CHM: variants seen among roughly 807,000 people sequenced by gnomAD.
The protein encoded by CHM is CHM Rab escort protein.
CHM carries 10 observed loss-of-function variants against 49.0 expected under a neutral mutation model. That is an observed-to-expected ratio of 0.20 (90% CI 0.13 to 0.35). The LOEUF is 0.35. Among genes scored for constraint, CHM ranks in the 10% least tolerant of loss-of-function variants. The pLI is 1.00. For missense variants in CHM, 455 were observed against 478.4 expected, an observed-to-expected ratio of 0.95 and a Z score of 0.46; for synonymous variants, 184 against 167.5, an observed-to-expected ratio of 1.10 and a Z score of -0.76.
intron 1 of CHM, among the ~76,000 whole-genome samples, chrX:86,037,634 AGAT>A (rs1168603598): frequency 2.7e-5 from 3 of 111,747 alleles, no homozygotes; most frequent in Non-Finnish European, 5.6e-5. Flanking sequence ...AGTCTAAAAT[AGAT>A]GATGAAAGAG....
chrX:85,986,955 A>G (rs1212984651), intron 2 of CHM, among the ~76,000 whole-genome samples: 2 of 108,954 alleles, frequency 1.8e-5, no homozygotes, highest in African/African-American at 7.0e-5. Context: ...AGGATGAAAC[A>G]GCTGGAAAAA....
At chrX:85,866,607 G>A (rs1469680945) in intron 14 of CHM, among the ~76,000 whole-genome samples, 1 of 112,776 alleles carries the variant, frequency 8.9e-6, no homozygotes, top group Non-Finnish European at 1.9e-5. Flanking sequence ...CTGACAGCCT[G>A]CACCATGCAC....
intron 2 of CHM, among the ~76,000 whole-genome samples, chrX:86,000,081 T>C (rs928753787): frequency 5.4e-5 from 6 of 111,032 alleles, no homozygotes; most frequent in African/African-American, 2.0e-4. Context: ...CATAAAAAAG[T>C]CAAAGTGTAT....
intron 4 of CHM, 33 bp from the exon 5 acceptor site, chrX:85,964,085 T>TTA (rs758296840): frequency 3.4e-6 from 4 of 1,159,539 alleles, no homozygotes; most frequent in South Asian, 1.9e-5. Flanking sequence ...ACACCAGGCT[T>TTA]TATATATATA....
rs112509961 is a variant in CHM at position 85,958,615 on chromosome X, T to A, written c.819+246A>T. ...AAGGATTTGTGTGACTAGTCTTGGGTATAGTAACTCTGGTGTGCTTTTTGG... is the reference window on the plus strand; with the variant it reads ...AAGGATTTGTGTGACTAGTCTTGGGAATAGTAACTCTGGTGTGCTTTTTGG... On this transcript the variant is annotated intron_variant, in intron 6 of 14. Coordinates refer to ENST00000357749, the MANE Select transcript of CHM (RefSeq NM_000390.4). Among the ~76,000 whole-genome samples the A allele has an allele frequency of 3.3e-3, 369 of 111,689 alleles. 2 individuals carry two copies. The highest frequency in any genetic ancestry group is 0.014 in the Middle Eastern group (3 of 217).
intron 2 of CHM, among the ~76,000 whole-genome samples, chrX:86,018,618 A>C (rs2147778071): frequency 8.9e-6 from 1 of 112,484 alleles, no homozygotes; most frequent in African/African-American, 3.2e-5. Flanking sequence ...TGTAATAACC[A>C]AAAAATAGAA....
At chrX:85,924,018 T>C (rs898995811) in intron 8 of CHM, among the ~76,000 whole-genome samples, 3 of 111,525 alleles carry the variant, frequency 2.7e-5, no homozygotes, top group African/African-American at 9.8e-5. Flanking sequence ...CGAGGACGCA[T>C]ATAGTTGGGG....
In CHM at chrX:85,887,813, C is replaced by G. The variant is rs139104854; in HGVS notation, c.1510+6375G>C. Among the ~76,000 whole-genome samples the G allele has an allele frequency of 6.1e-3, 673 of 111,148 alleles. 10 individuals carry two copies. In the East Asian group the frequency reaches 0.081, roughly 13 times the overall value. On this transcript the variant is annotated intron_variant, in intron 12 of 14. Transcript: ENST00000357749. The stretch of plus-strand genomic sequence containing the variant: ...GCAAAGAGACTGGCAGCATTTTGCC[C>G]CTGCCCTACAGATCCGTGGAACTCT...
chrX:85,887,925 G>A (rs1461469007), intron 12 of CHM, among the ~76,000 whole-genome samples: 1 of 111,799 alleles, frequency 8.9e-6, no homozygotes, highest in African/African-American at 3.3e-5. Context: ...TGCTGTTAAA[G>A]GCATCCGGTT....
At chrX:85,910,798 A>G (rs1407558395) in intron 9 of CHM, among the ~76,000 whole-genome samples, 1 of 108,628 alleles carries the variant, frequency 9.2e-6, no homozygotes, top group Non-Finnish European at 1.9e-5. Context: ...TAAAAATGCA[A>G]TAACAGAGGG....
At chrX:86,027,368 CTT>C in intron 2 of CHM, 121 bp downstream of exon 2, 2 of 566,196 alleles carry the variant, frequency 3.5e-6, no homozygotes, top group Non-Finnish European at 6.0e-6. Context: ...TTTCTTCTAA[CTT>C]AAGTTTATGT....
At chrX:86,006,185 C>A (rs1932849067) in intron 2 of CHM, among the ~76,000 whole-genome samples, 2 of 111,599 alleles carry the variant, frequency 1.8e-5, no homozygotes, top group African/African-American at 3.3e-5. Context: ...TCAAGAGGTG[C>A]AGAAAAGGCC....
At chrX:85,935,446 T>C (rs761515654) in intron 8 of CHM, among the ~76,000 whole-genome samples, 2 of 111,184 alleles carry the variant, frequency 1.8e-5, no homozygotes, top group Non-Finnish European at 3.8e-5. Context: ...ATTAGGCAAT[T>C]TCATTGTTGT....
chrX:86,006,467 C>A (rs1433989967), intron 2 of CHM, among the ~76,000 whole-genome samples: 1 of 111,769 alleles, frequency 8.9e-6, no homozygotes, highest in African/African-American at 3.3e-5. Context: ...AAGAAGAAGT[C>A]AAATTGTCCC....
At chrX:85,938,544 C>CT (rs528393414) in intron 8 of CHM, among the ~76,000 whole-genome samples, 1,765 of 91,132 alleles carry the variant, frequency 0.019, 39 homozygotes, top group African/African-American at 0.059. Flanking sequence ...GGTTCCTAAT[C>CT]TTTTTTTTTT....
At chrX:85,990,496 T>A (rs1262194705) in intron 2 of CHM, among the ~76,000 whole-genome samples, 1 of 111,720 alleles carries the variant, frequency 9.0e-6, no homozygotes. Flanking sequence ...TTTAAAAAAA[T>A]TGTAGAAAAC....
chrX:85,989,245 G>C (rs1301556138), intron 2 of CHM, among the ~76,000 whole-genome samples: 2 of 111,393 alleles, frequency 1.8e-5, no homozygotes, highest in Non-Finnish European at 3.8e-5. Flanking sequence ...AGAAGCAATG[G>C]GGAAAAGACT....
intron 1 of CHM, among the ~76,000 whole-genome samples, chrX:86,040,614 G>C (rs776319923): frequency 1.8e-5 from 2 of 112,169 alleles, no homozygotes; most frequent in Non-Finnish European, 3.8e-5. Flanking sequence ...ATAAAATCCA[G>C]TATGAGATGA....
chrX:86,043,168 T>A (rs144903854), intron 1 of CHM, among the ~76,000 whole-genome samples: 1,736 of 111,548 alleles, frequency 0.016, 48 homozygotes, highest in African/African-American at 0.055. Context: ...TTGGAGATCA[T>A]CTATTGAAAT....
Sources: allele counts gnomAD v4.1 joint callset (sites outside exome capture counted in the v4.1 genomes callset), GRCh38; gene constraint gnomAD v4.1.1; transcripts MANE v1.5; gene names NCBI Gene and HGNC (gene_info 2026-07-23, HGNC 2026-07-21).